RGS7: variants seen among roughly 807,000 people sequenced by gnomAD.
The protein encoded by RGS7 is regulator of G protein signaling 7.
A neutral mutation model predicts 81.1 loss-of-function variants in RGS7; 27 were observed. The ratio of observed to expected loss-of-function variants is 0.33; its 90% CI spans 0.25 to 0.46. RGS7 has a LOEUF of 0.46. Among genes scored for constraint, RGS7 ranks in the 20% least tolerant of loss-of-function variants. RGS7 has a pLI of 1.00. For missense variants in RGS7, 396 were observed against 607.4 expected, an observed-to-expected ratio of 0.65 and a Z score of 3.66; for synonymous variants, 208 against 207.7, an observed-to-expected ratio of 1.00 and a Z score of -0.01.
At chr1:241,161,197 C>T (rs2069627317) in intron 2 of RGS7, among the ~76,000 whole-genome samples, 1 of 152,092 alleles carries the variant, frequency 6.6e-6, no homozygotes, top group Admixed American at 6.5e-5. Flanking sequence ...TTTGAGGGAA[C>T]TAAGCCAGGA....
chr1:241,016,305 G>A (rs114982165), intron 3 of RGS7, among the ~76,000 whole-genome samples: 4 of 152,100 alleles, frequency 2.6e-5, no homozygotes, highest in Admixed American at 1.3e-4. Flanking sequence ...TGATTATGAG[G>A]TCAAGAGAAC....
chr1:241,210,712 T>C (rs1479519614), intron 2 of RGS7, among the ~76,000 whole-genome samples: 1 of 152,124 alleles, frequency 6.6e-6, no homozygotes, highest in Non-Finnish European at 1.5e-5. Context: ...AAAGAATAAA[T>C]AGAAGCTCAA....
intron 2 of RGS7, among the ~76,000 whole-genome samples, chr1:241,269,532 C>T (rs7547797): frequency 0.97 from 148,315 of 152,304 alleles, 72,351 homozygotes; most frequent in Middle Eastern, 1. Flanking sequence ...CCAAGAATAA[C>T]TGCCAGAAGT....
At chr1:240,808,223 T>A (rs1478379544) in intron 14 of RGS7, among the ~76,000 whole-genome samples, 1 of 151,958 alleles carries the variant, frequency 6.6e-6, no homozygotes, top group African/African-American at 2.4e-5. Flanking sequence ...AGGAAGTACA[T>A]GAATGGCTCT....
intron 3 of RGS7, among the ~76,000 whole-genome samples, chr1:241,096,471 G>A (rs762263086): frequency 6.6e-6 from 1 of 151,968 alleles, no homozygotes; most frequent in Non-Finnish European, 1.5e-5. Flanking sequence ...CTACGAGGCA[G>A]AGCACGCCTG....
chr1:241,228,952 T>C lies in RGS7; in HGVS notation c.78+126747A>G, dbSNP rs142217163. The stretch of plus-strand genomic sequence containing the variant: ...CCTGGTTTTGATTATTCAACTATGA[T>C]TACATAAAATGCTAATAGCAGCAGC... On this transcript the variant is annotated intron_variant, in intron 2 of 18. Transcript: ENST00000440928. 4.9e-3 allele frequency among the ~76,000 whole-genome samples: 744 copies of C among 151,984 alleles called. 3 individuals carry two copies. Among genetic ancestry groups the C allele is most frequent in the Non-Finnish European group, 7.3e-3 (499 of 68,024 alleles).
At chr1:241,185,200 G>A (rs140474667) in intron 2 of RGS7, among the ~76,000 whole-genome samples, 1 of 152,152 alleles carries the variant, frequency 6.6e-6, no homozygotes, top group African/African-American at 2.4e-5. Context: ...TACGTATAAA[G>A]ATCATTCTGC....
chr1:241,044,121 T>G (rs991768758), intron 3 of RGS7, among the ~76,000 whole-genome samples: 1 of 149,878 alleles, frequency 6.7e-6, no homozygotes, highest in Non-Finnish European at 1.5e-5. Flanking sequence ...TGTTTTTTTT[T>G]TTTTTGGTTT....
rs117929847 is a variant in RGS7 at position 241,322,108 on chromosome 1, T to C, written c.78+33591A>G. On this transcript the variant is annotated intron_variant, in intron 2 of 18. Coordinates refer to ENST00000440928, the MANE Select transcript of RGS7 (RefSeq NM_001364886.1). ...CAGAAGCCCTCCTCTCTGAAGCCTG[T>C]CTAGATTATCCCACCTGAGAGCAAT... is the stretch of plus-strand genomic sequence containing the variant. Among the ~76,000 whole-genome samples, 400 of 152,278 alleles carry C rather than the reference T, an allele frequency of 2.6e-3. 8 individuals carry two copies. The East Asian group carries it at 0.042, about 16-fold the overall frequency.
intron 2 of RGS7, among the ~76,000 whole-genome samples, chr1:241,296,922 T>C (rs1328753823): frequency 6.6e-6 from 1 of 152,050 alleles, no homozygotes; most frequent in East Asian, 1.9e-4. Flanking sequence ...GAATTTGTTT[T>C]AATTAGCTGG....
chr1:241,065,525 C>T (rs754168126), intron 3 of RGS7, among the ~76,000 whole-genome samples: 6 of 152,250 alleles, frequency 3.9e-5, no homozygotes, highest in African/African-American at 1.2e-4. Flanking sequence ...TCAATACTTA[C>T]GTTAACACAT....
At chr1:240,960,216 TC>T (rs1232733626) in intron 4 of RGS7, among the ~76,000 whole-genome samples, 4 of 41,392 alleles carry the variant, frequency 9.7e-5, no homozygotes, top group African/African-American at 3.8e-4. Context: ...CTCTTCTTCT[TC>T]TTTTTTTTTT....
intron 4 of RGS7, among the ~76,000 whole-genome samples, chr1:240,961,939 TAAA>T (rs1224605064): frequency 6.6e-6 from 1 of 151,302 alleles, no homozygotes; most frequent in Non-Finnish European, 1.5e-5. Flanking sequence ...GGAAGGAAAA[TAAA>T]AAGAGAGAGA....
At chr1:241,244,310 C>G (rs1464936145) in intron 2 of RGS7, among the ~76,000 whole-genome samples, 1 of 152,124 alleles carries the variant, frequency 6.6e-6, no homozygotes, top group Non-Finnish European at 1.5e-5. Context: ...TATGAACAGG[C>G]ACTTCTCAAA....
At chr1:240,882,552 C>T (rs1666584099) in intron 6 of RGS7, among the ~76,000 whole-genome samples, 3 of 152,024 alleles carry the variant, frequency 2.0e-5, no homozygotes, top group Non-Finnish European at 2.9e-5. Flanking sequence ...GTCGGCAAGT[C>T]GGGGGTTCTT....
chr1:241,215,652 C>A (rs1043834701), intron 2 of RGS7, among the ~76,000 whole-genome samples: 2 of 152,138 alleles, frequency 1.3e-5, no homozygotes, highest in African/African-American at 4.8e-5. Context: ...TTTTTGGCCT[C>A]AGTTCTAGCC....
At chr1:240,838,743 AT>A (rs2147866351) in intron 9 of RGS7, among the ~76,000 whole-genome samples, 2 of 152,040 alleles carry the variant, frequency 1.3e-5, no homozygotes, top group East Asian at 3.9e-4. Flanking sequence ...GGTCGTGATT[AT>A]TTGAGGACAA....
intron 2 of RGS7, among the ~76,000 whole-genome samples, chr1:241,284,826 G>A (rs1000869466): frequency 2.0e-5 from 3 of 152,112 alleles, no homozygotes; most frequent in Non-Finnish European, 2.9e-5. Flanking sequence ...CTGGAGTAAA[G>A]TGGTTATTAT....
chr1:240,987,087 T>A lies in RGS7; in HGVS notation c.176-3958A>T, dbSNP rs533979541. On this transcript the variant is annotated intron_variant, in intron 3 of 18. Coordinates refer to ENST00000440928, the MANE Select transcript of RGS7 (RefSeq NM_001364886.1). ...CACCCCTCCCCAGGATTAGAGCACA[T>A]CCTCAGCTACAAGTGTCACCTACAG... Among the ~76,000 whole-genome samples, 8 of 152,276 alleles carry A rather than the reference T, an allele frequency of 5.3e-5. No individual in the cohort carries two copies. In the East Asian group the frequency reaches 1.4e-3, roughly 26 times the overall value.
Sources: allele counts gnomAD v4.1 joint callset (sites outside exome capture counted in the v4.1 genomes callset), GRCh38; gene constraint gnomAD v4.1.1; transcripts MANE v1.5; gene names NCBI Gene and HGNC (gene_info 2026-07-23, HGNC 2026-07-21).